TOX3: variants seen among roughly 807,000 people sequenced by gnomAD.
TOX3 encodes TOX high mobility group box family member 3.
TOX3 carries 22 observed loss-of-function variants against 64.3 expected under a neutral mutation model. The ratio of observed to expected loss-of-function variants is 0.34; its 90% CI spans 0.24 to 0.49. TOX3 has a LOEUF of 0.49. Among genes scored for constraint, TOX3 ranks in the 20% least tolerant of loss-of-function variants. The probability of loss-of-function intolerance (pLI) is 0.99; values close to 1 mark genes in which losing one functional copy is unlikely to be tolerated. For synonymous variants in TOX3, 291 were observed against 273.6 expected, an observed-to-expected ratio of 1.06 and a Z score of -0.63; for missense variants, 661 against 714.4, an observed-to-expected ratio of 0.93 and a Z score of 0.85.
intron 1 of TOX3, among the ~76,000 whole-genome samples, chr16:52,505,172 C>T (rs981682773): frequency 6.6e-6 from 1 of 152,008 alleles, no homozygotes; most frequent in Non-Finnish European, 1.5e-5. Flanking sequence ...TAGGAAGATC[C>T]GTTAAAGAGA....
intron 1 of TOX3, among the ~76,000 whole-genome samples, chr16:52,532,958 A>T (rs931792203): frequency 1.3e-5 from 2 of 152,220 alleles, no homozygotes; most frequent in East Asian, 3.9e-4. Context: ...GTATTTTTGC[A>T]TGAATGATTG....
In TOX3 at chr16:52,497,871, G is replaced by A. The variant is rs115512924; in HGVS notation, c.88-29297C>T. Among the ~76,000 whole-genome samples the A allele has an allele frequency of 1.9e-3, 282 of 152,000 alleles. 1 individual carries two copies. The highest frequency in any genetic ancestry group is 6.6e-3 in the African/African-American group (272 of 41,466). On this transcript the variant is annotated intron_variant, in intron 1 of 6. Coordinates refer to ENST00000219746, the MANE Select transcript of TOX3 (RefSeq NM_001080430.4). ...TAACAAGGTATTTTTCACCCGCAAA[G>A]ATATAAAGAAAAAATCAACATTATT...
chr16:52,478,880 C>T (rs1961292779), intron 1 of TOX3, among the ~76,000 whole-genome samples: 1 of 152,108 alleles, frequency 6.6e-6, no homozygotes, highest in African/African-American at 2.4e-5. Flanking sequence ...TGATAAATGT[C>T]AGAGTTGGAA....
intron 3 of TOX3, among the ~76,000 whole-genome samples, chr16:52,450,825 G>T (rs867581060): frequency 6.9e-6 from 1 of 143,986 alleles, no homozygotes; most frequent in African/African-American, 2.7e-5. Context: ...AGGAAGGAAG[G>T]AAGGAAGGAA....
intron 1 of TOX3, among the ~76,000 whole-genome samples, chr16:52,507,633 G>A (rs1338645268): frequency 6.6e-6 from 1 of 152,004 alleles, no homozygotes; most frequent in African/African-American, 2.4e-5. Context: ...AAGCAATATT[G>A]CTTCAAAAAC....
chr16:52,536,193 C>G (rs1962941073), intron 1 of TOX3, among the ~76,000 whole-genome samples: 1 of 152,016 alleles, frequency 6.6e-6, no homozygotes, highest in Non-Finnish European at 1.5e-5. Context: ...TCAACAAGAG[C>G]AGATGAATAA....
chr16:52,462,309 T>C (rs996160707), intron 3 of TOX3, among the ~76,000 whole-genome samples: 7 of 152,172 alleles, frequency 4.6e-5, no homozygotes, highest in Non-Finnish European at 8.8e-5. Flanking sequence ...GCATTGTTCT[T>C]TAAGTGTATG....
intron 1 of TOX3, among the ~76,000 whole-genome samples, chr16:52,545,451 C>T (rs1254757866): frequency 6.6e-6 from 1 of 152,174 alleles, no homozygotes; most frequent in East Asian, 1.9e-4. Flanking sequence ...ACACGAGCCT[C>T]CATCAGCCAC....
chr16:52,463,693 A>T lies in TOX3; in HGVS notation c.408+241T>A, dbSNP rs912076924. Among the ~76,000 whole-genome samples, 19 of 144,988 alleles carry T rather than the reference A, an allele frequency of 1.3e-4. 1 individual carries two copies. The highest frequency in any genetic ancestry group is 3.1e-4 in the African/African-American group (11 of 35,700). On this transcript the variant is annotated intron_variant, in intron 3 of 6. Coordinates refer to ENST00000219746, the MANE Select transcript of TOX3 (RefSeq NM_001080430.4). ...CTTCCAAATTAATGAATTAGACTTT[A>T]AAAAAAAATCATTTTAAATCAGCAG...
intron 1 of TOX3, among the ~76,000 whole-genome samples, chr16:52,510,929 C>T (rs1019937179): frequency 1.3e-5 from 2 of 152,022 alleles, no homozygotes; most frequent in African/African-American, 4.8e-5. Context: ...CCACTATGCT[C>T]TATCAAAGGA....
At chr16:52,509,339 A>C (rs978153270) in intron 1 of TOX3, among the ~76,000 whole-genome samples, 2 of 152,218 alleles carry the variant, frequency 1.3e-5, no homozygotes, top group African/African-American at 4.8e-5. Flanking sequence ...CAAGTCTGTC[A>C]GTGTGCACTG....
intron 1 of TOX3, among the ~76,000 whole-genome samples, chr16:52,540,382 C>G (rs1222568534): frequency 6.6e-6 from 1 of 151,898 alleles, no homozygotes; most frequent in Non-Finnish European, 1.5e-5. Flanking sequence ...CTGGGTGACA[C>G]AGCAAGACTC....
chr16:52,490,713 T>A (rs1567332540), intron 1 of TOX3, among the ~76,000 whole-genome samples: 2 of 148,572 alleles, frequency 1.3e-5, no homozygotes, highest in African/African-American at 5.0e-5. Flanking sequence ...TACTGCAGCC[T>A]TAGCTTCCTG....
intron 1 of TOX3, among the ~76,000 whole-genome samples, chr16:52,537,717 G>A (rs899132753): frequency 2.0e-5 from 3 of 151,998 alleles, no homozygotes; most frequent in Non-Finnish European, 4.4e-5. Context: ...TACGAGCCTG[G>A]GCATGGGACC....
intron 1 of TOX3, among the ~76,000 whole-genome samples, chr16:52,507,938 A>G (rs1247004911): frequency 6.6e-6 from 1 of 152,246 alleles, no homozygotes; most frequent in African/African-American, 2.4e-5. Context: ...TGACTGAACT[A>G]TATTACAATT....
At chr16:52,502,290 T>C (rs757393259) in intron 1 of TOX3, among the ~76,000 whole-genome samples, 6 of 152,208 alleles carry the variant, frequency 3.9e-5, no homozygotes, top group Non-Finnish European at 5.9e-5. Context: ...GCCACACTTT[T>C]CCATGCTTCA....
chr16:52,541,723 G>A (rs1963081280), intron 1 of TOX3, among the ~76,000 whole-genome samples: 1 of 152,182 alleles, frequency 6.6e-6, no homozygotes, highest in Admixed American at 6.5e-5. Context: ...CATTTGAAAT[G>A]ACTAAAATTA....
In TOX3 at chr16:52,446,232, G is replaced by A; in HGVS notation, c.679-11C>T. 6.2e-7 allele frequency: 1 copy of A among 1,611,010 alleles called. No homozygotes were observed. The highest frequency in any genetic ancestry group is 8.5e-7 in the Non-Finnish European group (1 of 1,179,110). On this transcript the variant is annotated splice_polypyrimidine_tract_variant and intron_variant, in intron 4 of 6. Coordinates refer to ENST00000219746, the MANE Select transcript of TOX3 (RefSeq NM_001080430.4). ...TTTCTCTCCAATGGCCTGCAAAGCA[G>A]GAAGAAAATTCACTGCCTAGAATGT...
chr16:52,508,643 T>C (rs1420035747), intron 1 of TOX3, among the ~76,000 whole-genome samples: 1 of 151,948 alleles, frequency 6.6e-6, no homozygotes, highest in Admixed American at 6.6e-5. Context: ...AAATTTTATA[T>C]AAAGAAAAAA....
Sources: allele counts gnomAD v4.1 joint callset (sites outside exome capture counted in the v4.1 genomes callset), GRCh38; gene constraint gnomAD v4.1.1; transcripts MANE v1.5; gene names NCBI Gene and HGNC (gene_info 2026-07-23, HGNC 2026-07-21).